RYR2: variants seen among roughly 807,000 people sequenced by gnomAD.
RYR2 encodes the protein ryanodine receptor 2.
Under a neutral mutation model 601.1 loss-of-function variants are expected in RYR2, and 227 were observed. The ratio of observed to expected loss-of-function variants is 0.38; its 90% CI spans 0.34 to 0.42. The LOEUF (loss-of-function observed/expected upper bound fraction) is 0.42. Ranked by LOEUF, RYR2 falls within the 10% of genes least tolerant of loss-of-function variation. RYR2 has a pLI of 1.00. For synonymous variants in RYR2, 2,223 were observed against 2,175.1 expected (o/e 1.02, Z -0.61); for missense variants, 4,646 against 6,156.5 (o/e 0.75, Z 8.21).
At chr1:237,244,809 C>G (rs1233308588) in intron 1 of RYR2, among the ~76,000 whole-genome samples, 1 of 71,230 alleles carries the variant, frequency 1.4e-5, no homozygotes, top group East Asian at 7.7e-4. Context: ...TTACCCCAGA[C>G]AACGTACCGC....
chr1:237,452,095 GTGTGTGTGTGTA>G (rs1658230152), intron 14 of RYR2, among the ~76,000 whole-genome samples: 2 of 147,108 alleles, frequency 1.4e-5, no homozygotes, highest in Admixed American at 1.4e-4. Context: ...GTGTGTGTGT[GTGTGTGTGTGTA>G]TGTGTGTGTA....
At chr1:237,373,149 A>G (rs1031692315) in intron 6 of RYR2, among the ~76,000 whole-genome samples, 1 of 152,222 alleles carries the variant, frequency 6.6e-6, no homozygotes, top group African/African-American at 2.4e-5. Context: ...GTTAAGCACA[A>G]TTTATATTTA....
chr1:237,513,257 C>A (rs746729895), intron 24 of RYR2, among the ~76,000 whole-genome samples: 37 of 152,106 alleles, frequency 2.4e-4, no homozygotes, highest in Admixed American at 1.3e-4. Context: ...AATATTTTTG[C>A]AAAGCCAGTA....
At chr1:237,800,746 CAT>C (rs1363369043) in intron 97 of RYR2, among the ~76,000 whole-genome samples, 6 of 152,122 alleles carry the variant, frequency 3.9e-5, no homozygotes, top group African/African-American at 1.4e-4. Context: ...AAAATTAACA[CAT>C]ATATTTTAAT....
chr1:237,413,250 G>T (rs572717203), intron 10 of RYR2, among the ~76,000 whole-genome samples: 1 of 152,132 alleles, frequency 6.6e-6, no homozygotes, highest in East Asian at 1.9e-4. Context: ...ACCTGCCAAT[G>T]AAACTTTTAA....
intron 17 of RYR2, among the ~76,000 whole-genome samples, chr1:237,477,540 CAG>C (rs1661550824): frequency 1.3e-5 from 2 of 152,230 alleles, no homozygotes; most frequent in African/African-American, 4.8e-5. Context: ...CTGTTACTGA[CAG>C]ATGGCTATTT....
chr1:237,428,950 C>T (rs753782824), intron 12 of RYR2, among the ~76,000 whole-genome samples: 3 of 152,072 alleles, frequency 2.0e-5, no homozygotes, highest in South Asian at 2.1e-4. Flanking sequence ...CCACACACCT[C>T]ACACCACTGA....
chr1:237,284,336 C>T (rs1256893919), intron 2 of RYR2, among the ~76,000 whole-genome samples: 8 of 149,122 alleles, frequency 5.4e-5, no homozygotes, highest in South Asian at 2.1e-4. Context: ...GTCGAGATTG[C>T]GCCACTGCAC....
chr1:237,108,280 G>T (rs1400071915), intron 1 of RYR2, among the ~76,000 whole-genome samples: 1 of 152,140 alleles, frequency 6.6e-6, no homozygotes, highest in African/African-American at 2.4e-5. Context: ...GATCGGAGGG[G>T]CCCAGTATAT....
intron 6 of RYR2, among the ~76,000 whole-genome samples, chr1:237,371,216 T>A (rs1700617775): frequency 6.6e-6 from 1 of 152,108 alleles, no homozygotes; most frequent in Non-Finnish European, 1.5e-5. Context: ...GGTGCAGTGG[T>A]ATGATCATGG....
At chr1:237,521,126 T>G (rs1040076992) in intron 24 of RYR2, among the ~76,000 whole-genome samples, 1 of 151,324 alleles carries the variant, frequency 6.6e-6, no homozygotes, top group East Asian at 2.0e-4. Flanking sequence ...ATACCTAACA[T>G]ACATAGAACT....
intron 64 of RYR2, 35 bp downstream of exon 64, chr1:237,699,060 A>G (rs377719849): frequency 2.8e-5 from 27 of 961,160 alleles, no homozygotes; most frequent in African/African-American, 9.7e-5. Context: ...ATAAATTACT[A>G]TAATAATGAT....
chr1:237,152,603 A>T (rs1322488603), intron 1 of RYR2, among the ~76,000 whole-genome samples: 1 of 152,202 alleles, frequency 6.6e-6, no homozygotes, highest in Non-Finnish European at 1.5e-5. Flanking sequence ...TCTAATCATC[A>T]GTGATGTTGA....
chr1:237,101,415 T>C (rs1204629184), intron 1 of RYR2, among the ~76,000 whole-genome samples: 1 of 151,242 alleles, frequency 6.6e-6, no homozygotes, highest in African/African-American at 2.4e-5. Flanking sequence ...CAGTGGTAGA[T>C]TTTTTTTTAA....
chr1:237,292,493 C>T (rs1692335617), intron 2 of RYR2, among the ~76,000 whole-genome samples: 1 of 152,012 alleles, frequency 6.6e-6, no homozygotes, highest in African/African-American at 2.4e-5. Context: ...TTAGCTTTGA[C>T]TGTGTGTGTG....
chr1:237,677,087 G>A (rs1478910886), intron 60 of RYR2, among the ~76,000 whole-genome samples: 3 of 152,014 alleles, frequency 2.0e-5, no homozygotes, highest in Non-Finnish European at 4.4e-5. Context: ...CAAAATAATT[G>A]CATAAGTTTC....
intron 3 of RYR2, among the ~76,000 whole-genome samples, chr1:237,338,241 G>T (rs890146816): frequency 6.6e-6 from 1 of 152,112 alleles, no homozygotes; most frequent in African/African-American, 2.4e-5. Flanking sequence ...TCTACTTTTT[G>T]ATTTGACAGG....
At chr1:237,498,292 T>G (rs1664283865) in intron 20 of RYR2, among the ~76,000 whole-genome samples, 1 of 152,162 alleles carries the variant, frequency 6.6e-6, no homozygotes, top group African/African-American at 2.4e-5. Context: ...GTAGACTGCT[T>G]TGTACAAAGG....
At chr1:237,744,779 C>G (rs189082891) in intron 80 of RYR2, among the ~76,000 whole-genome samples, 1 of 146,154 alleles carries the variant, frequency 6.8e-6, no homozygotes, top group Non-Finnish European at 1.5e-5. Flanking sequence ...CTTGAAGAAA[C>G]TATTTTAAAA....
Sources: gnomAD v4.1 joint callset for allele counts (sites outside exome capture counted in the v4.1 genomes callset) on GRCh38, gnomAD v4.1.1 for gene constraint, MANE v1.5 for transcripts, NCBI Gene and HGNC (gene_info 2026-07-23, HGNC 2026-07-21) for gene names.